PACS2: variants seen among roughly 807,000 people sequenced by gnomAD.
PACS2 encodes phosphofurin acidic cluster sorting protein 2.
A neutral mutation model predicts 113.0 loss-of-function variants in PACS2; 36 were observed. That is an observed-to-expected ratio of 0.32 (90% CI 0.24 to 0.42). PACS2 has a LOEUF of 0.42. Ranked by LOEUF, PACS2 falls within the 10% of genes least tolerant of loss-of-function variation. The pLI is 1.00. For missense variants in PACS2, 1,015 were observed against 1,239.5 expected, an observed-to-expected ratio of 0.82 and a Z score of 2.72; for synonymous variants, 589 against 536.1, an observed-to-expected ratio of 1.10 and a Z score of -1.36.
At chr14:105,308,481 C>CT (rs1227708197) in intron 1 of PACS2, among the ~76,000 whole-genome samples, 13,832 of 124,554 alleles carry the variant, frequency 0.11, 2,328 homozygotes, top group African/African-American at 0.36. Context: ...CAGATTCTGT[C>CT]TTTTTTTTTT....
In PACS2 at chr14:105,397,248, C is replaced by T. The variant is rs991931136; in HGVS notation, c.*2576C>T. On this transcript the variant is annotated 3_prime_UTR_variant, in exon 25 of 25. Coordinates refer to ENST00000447393, the MANE Select transcript of PACS2 (RefSeq NM_001100913.3). ...AGGATGGTCGCATTTTCCCTGCCTA[C>T]CTCACAGAGCTGTTCTGAGGGTGCA... 1 of 152,326 alleles carries T rather than the reference C, an allele frequency of 6.6e-6. No individual in the cohort carries two copies. The highest frequency in any genetic ancestry group is 1.5e-5 in the Non-Finnish European group (1 of 68,106). 9.4% of individuals were successfully genotyped at this position (152,326 alleles called of 1,614,324 possible).
chr14:105,364,399 CCCGGGTGCGCGGTGGGCGGT>C lies in PACS2; in HGVS notation c.424-2813_424-2794del, dbSNP rs1555407438. On this transcript the variant is annotated intron_variant, in intron 4 of 24. Coordinates refer to ENST00000447393, the MANE Select transcript of PACS2 (RefSeq NM_001100913.3). ...GTCCCGGGTGCGCGGTGGGCGGTGT[CCCGGGTGCGCGGTGGGCGGT>C]GTCCCGGGTGCGCGGTGGGCGGCGT... Among the ~76,000 whole-genome samples the C allele has an allele frequency of 2.1e-3, 284 of 134,368 alleles. 18 individuals carry two copies. Among genetic ancestry groups the C allele is most frequent in the African/African-American group, 6.9e-3 (225 of 32,538 alleles). The allele number at this position is 134,368 out of a possible 152,430, so 88.2% of individuals were successfully genotyped here.
In PACS2 at chr14:105,397,024, C is replaced by T. The variant is rs587624211; in HGVS notation, c.*2352C>T. On this transcript the variant is annotated 3_prime_UTR_variant, in exon 25 of 25. Coordinates refer to ENST00000447393, the MANE Select transcript of PACS2 (RefSeq NM_001100913.3). ...CATCCTTAGCCACGCAAGGGGAGAACATGGGCAGAGTCTCCATCCAGCAGC... is the reference window on the plus strand; with the variant it reads ...CATCCTTAGCCACGCAAGGGGAGAATATGGGCAGAGTCTCCATCCAGCAGC... The T allele has an allele frequency of 1.3e-5, 2 of 152,250 alleles. No homozygotes were observed. Among genetic ancestry groups the T allele is most frequent in the East Asian group, 1.9e-4 (1 of 5,182 alleles). 9.4% of individuals were successfully genotyped at this position (152,250 alleles called of 1,614,324 possible).
intron 1 of PACS2, among the ~76,000 whole-genome samples, chr14:105,304,055 C>T (rs369839520): frequency 6.6e-6 from 1 of 152,214 alleles, no homozygotes; most frequent in East Asian, 1.9e-4. Flanking sequence ...GAGGTGCCTG[C>T]AGGTGCAAGG....
rs1555412404 is a variant in PACS2 at position 105,382,812 on chromosome 14, C to T, written c.1524C>T (p.Leu508=). 1 of 1,592,226 alleles carries T rather than the reference C, an allele frequency of 6.3e-7. No homozygotes were observed. Among genetic ancestry groups the T allele is most frequent in the Middle Eastern group, 1.7e-4 (1 of 6,024 alleles). The stretch of plus-strand genomic sequence containing the variant: ...GTCTGCCTGTCTTCTGCCAGTTCCT[C>T]TCCGACGTCCTGCAGAGGCACACGC... The part of the protein sequence containing the change: ...VNTSDWQGQF[L]SDVLQRHTLP... Residue 508 remains leucine, a synonymous_variant, in exon 15 of 25, where the codon CTC becomes CTT. Coordinates refer to ENST00000447393, the MANE Select transcript of PACS2 (RefSeq NM_001100913.3).
At chr14:105,391,338 C>A in intron 21 of PACS2, 89 bp downstream of exon 21, 1 of 1,005,820 alleles carries the variant, frequency 9.9e-7, no homozygotes, top group Non-Finnish European at 1.6e-6. Context: ...CCAGATCAAC[C>A]TTTCAGGGCC....
At chr14:105,360,393 A>C (rs2060633832) in intron 4 of PACS2, among the ~76,000 whole-genome samples, 1 of 151,908 alleles carries the variant, frequency 6.6e-6, no homozygotes, top group Non-Finnish European at 1.5e-5. Flanking sequence ...TACAAAAAAA[A>C]ATTAGCCGGG....
At chr14:105,378,476 C>T (rs1235023370) in intron 9 of PACS2, among the ~76,000 whole-genome samples, 3 of 152,212 alleles carry the variant, frequency 2.0e-5, no homozygotes, top group African/African-American at 4.8e-5. Flanking sequence ...GTTGTGCAGT[C>T]GTGGCTCACT....
Position 105,376,226 on chromosome 14 carries a change from G to A in PACS2, c.802-542G>A, listed in dbSNP as rs1319141264. ...AAGGTGAGACTTGGGTGGGGACACA[G>A]TGGAACATGAAGTGTGCCACGCTGG... On this transcript the variant is annotated intron_variant, in intron 8 of 24. Coordinates refer to ENST00000447393, the MANE Select transcript of PACS2 (RefSeq NM_001100913.3). The surrounding 1 kb of genome is among the most constrained non-coding windows in gnomAD (Gnocchi z 4.7). Among the ~76,000 whole-genome samples, 2 of 152,082 alleles carry A rather than the reference G, an allele frequency of 1.3e-5. No individual in the cohort carries two copies. The highest frequency in any genetic ancestry group is 2.4e-5 in the African/African-American group (1 of 41,408).
At chr14:105,367,418 G>GC in intron 5 of PACS2, 43 bp downstream of exon 5, 1 of 1,591,706 alleles carries the variant, frequency 6.3e-7, no homozygotes. Flanking sequence ...CTGTGGGGAG[G>GC]CCCTGCCTTC....
At position 105,323,584 on chromosome 14, in the gene PACS2, G is replaced by A. The variant is rs1053799999; in HGVS notation, c.119+8547G>A. On this transcript the variant is annotated intron_variant, in intron 1 of 24. Transcript: ENST00000447393. The surrounding 1 kb of genome is among the most constrained non-coding windows in gnomAD (Gnocchi z 4.1). ...GTGTGGTTTCATTTTGAGTGGTGGG[G>A]AAGTCGCTGGACTATTTCAAGTGTG... Among the ~76,000 whole-genome samples the A allele has an allele frequency of 6.6e-6, 1 of 152,250 alleles. No homozygotes were observed. Among genetic ancestry groups the A allele is most frequent in the African/African-American group, 2.4e-5 (1 of 41,464 alleles).
At chr14:105,313,937 T>C (rs2058430479), upstream of PACS2, among the ~76,000 whole-genome samples, 1 of 152,244 alleles carries the variant, frequency 6.6e-6, no homozygotes, top group Non-Finnish European at 1.5e-5. Flanking sequence ...CCAAGTTCAC[T>C]GTTAACCCCA....
chr14:105,377,469 G>C (rs1167276446), intron 9 of PACS2, among the ~76,000 whole-genome samples: 10 of 152,094 alleles, frequency 6.6e-5, no homozygotes, highest in African/African-American at 2.4e-4. Context: ...TGGGTATGGA[G>C]GCCTCGGTCA....
chr14:105,348,461 G>T lies in PACS2; in HGVS notation c.120-32G>T. On this transcript the variant is annotated intron_variant, in intron 1 of 24. Transcript: ENST00000447393. This position sits in a 1 kb window ranked among gnomAD's most constrained non-coding sequence, Gnocchi z 6.4. ...GGCCGCGTCCTGAGGAGAGGGCGGA[G>T]CCCCGAGGCTGAGCTGTGCCTTGCC... is the stretch of plus-strand genomic sequence containing the variant. 3 of 1,549,730 alleles carry T rather than the reference G, an allele frequency of 1.9e-6. No homozygotes were observed.
intron 1 of PACS2, among the ~76,000 whole-genome samples, chr14:105,327,112 T>C (rs1330050036): frequency 6.6e-6 from 1 of 152,220 alleles, no homozygotes; most frequent in Non-Finnish European, 1.5e-5. Flanking sequence ...CGCTGTCTCC[T>C]GCGGGAGGTG....
intron 1 of PACS2, among the ~76,000 whole-genome samples, chr14:105,306,332 C>A (rs2058185451): frequency 6.6e-6 from 1 of 151,684 alleles, no homozygotes; most frequent in Non-Finnish European, 1.5e-5. Context: ...GAGACACAGT[C>A]TTGCTCTGTC....
intron 22 of PACS2, 102 bp downstream of exon 22, chr14:105,391,868 C>G (rs983643990): frequency 5.6e-6 from 7 of 1,254,144 alleles, no homozygotes; most frequent in Non-Finnish European, 6.5e-6. Flanking sequence ...CCCAGGGCAC[C>G]TGGCCTGTCA....
chr14:105,390,071 C>G, intron 20 of PACS2, 68 bp downstream of exon 20: 2 of 1,357,956 alleles, frequency 1.5e-6, no homozygotes, highest in Non-Finnish European at 2.1e-6. Flanking sequence ...ACAGTCAGAA[C>G]GTTTGGGGAT....
At chr14:105,374,813 C>G (rs1201558914) in intron 8 of PACS2, 1 of 152,230 alleles carries the variant, frequency 6.6e-6, no homozygotes, top group Non-Finnish European at 1.5e-5. Flanking sequence ...CTAAGAGAAA[C>G]ACACCTTGTG....
Sources: allele counts gnomAD v4.1 joint callset (sites outside exome capture counted in the v4.1 genomes callset), GRCh38; gene constraint gnomAD v4.1.1; non-coding constraint Gnocchi (gnomAD v3.1); transcripts MANE v1.5; gene names NCBI Gene and HGNC (gene_info 2026-07-23, HGNC 2026-07-21).